The following SH3KBP1 variants were observed in gnomAD, a reference collection of about 807,000 sequenced individuals.
SH3KBP1 encodes SH3 domain-containing kinase-binding protein 1.
Under a neutral mutation model 50.1 loss-of-function variants are expected in SH3KBP1, and 8 were observed. The ratio of observed to expected loss-of-function variants is 0.16; its 90% CI spans 0.09 to 0.29. The LOEUF is 0.29. Ranked by LOEUF, SH3KBP1 falls within the 10% of genes least tolerant of loss-of-function variation. The probability of loss-of-function intolerance (pLI) is 1.00; values close to 1 mark genes in which losing one functional copy is unlikely to be tolerated. For missense variants in SH3KBP1, 377 were observed against 535.2 expected (o/e 0.70, Z 2.92); for synonymous variants, 227 against 218.6 (o/e 1.04, Z -0.34).
chrX:19,748,272 T>A (rs1226129732), intron 2 of SH3KBP1, among the ~76,000 whole-genome samples: 2 of 111,576 alleles, frequency 1.8e-5, no homozygotes, highest in Non-Finnish European at 3.8e-5. Context: ...GAGGACGACA[T>A]AGCAAGTGTC....
intron 6 of SH3KBP1, among the ~76,000 whole-genome samples, chrX:19,653,408 A>G (rs1357526180): frequency 3.6e-5 from 4 of 110,980 alleles, no homozygotes; most frequent in African/African-American, 1.3e-4. Flanking sequence ...ACACCAATGC[A>G]CTCAGAATAT....
At chrX:19,835,885 T>G (rs1036468312) in intron 2 of SH3KBP1, among the ~76,000 whole-genome samples, 4 of 111,260 alleles carry the variant, frequency 3.6e-5, no homozygotes, top group Admixed American at 1.9e-4. Flanking sequence ...GCACCCAGCC[T>G]TAGCATATCC....
At chrX:19,869,829 C>A (rs2147532950) in intron 1 of SH3KBP1, among the ~76,000 whole-genome samples, 1 of 112,460 alleles carries the variant, frequency 8.9e-6, no homozygotes, top group African/African-American at 3.2e-5. Flanking sequence ...TCACTCAGTT[C>A]TTGAGAACAT....
intron 3 of SH3KBP1, among the ~76,000 whole-genome samples, chrX:19,733,482 C>T (rs1966511133): frequency 9.1e-6 from 1 of 109,654 alleles, no homozygotes; most frequent in Non-Finnish European, 1.9e-5. Context: ...ATAAATGGTC[C>T]TGGAAAAGTG....
At chrX:19,676,884 A>G (rs1405324360) in intron 6 of SH3KBP1, among the ~76,000 whole-genome samples, 1 of 112,347 alleles carries the variant, frequency 8.9e-6, no homozygotes, top group East Asian at 2.8e-4. Flanking sequence ...AACGCCTTGT[A>G]GAAAGTGTAG....
chrX:19,832,624 G>C (rs1228160608), intron 2 of SH3KBP1, among the ~76,000 whole-genome samples: 1 of 110,646 alleles, frequency 9.0e-6, no homozygotes, highest in Non-Finnish European at 1.9e-5. Context: ...CATGAGCAGG[G>C]AGTTGGTGGG....
intron 2 of SH3KBP1, among the ~76,000 whole-genome samples, chrX:19,801,645 T>C (rs1433426151): frequency 9.0e-6 from 1 of 111,560 alleles, no homozygotes; most frequent in Non-Finnish European, 1.9e-5. Context: ...CAGGTTTCTT[T>C]TGGGGGTGAT....
chrX:19,541,846 A>G, intron 16 of SH3KBP1, 79 bp downstream of exon 16: 2 of 1,104,892 alleles, frequency 1.8e-6, no homozygotes, highest in East Asian at 3.0e-5. Context: ...GCAGGCTGGG[A>G]TCCATGCTTT....
At chrX:19,798,944 G>A (rs1364751211) in intron 2 of SH3KBP1, among the ~76,000 whole-genome samples, 1 of 112,096 alleles carries the variant, frequency 8.9e-6, no homozygotes, top group African/African-American at 3.2e-5. Context: ...AGTAAGACTT[G>A]GAGAGATCTT....
chrX:19,562,712 G>T (rs1411031801), intron 13 of SH3KBP1, among the ~76,000 whole-genome samples: 1 of 110,888 alleles, frequency 9.0e-6, no homozygotes, highest in Non-Finnish European at 1.9e-5. Flanking sequence ...TGCTGACTCT[G>T]CACATAGGTG....
chrX:19,679,665 T>C (rs1303372464), intron 6 of SH3KBP1, among the ~76,000 whole-genome samples: 1 of 111,091 alleles, frequency 9.0e-6, no homozygotes, highest in Non-Finnish European at 1.9e-5. Flanking sequence ...TACACAAAAA[T>C]AGAGTGTGAT....
At chrX:19,607,226 T>A (rs183029022) in intron 9 of SH3KBP1, among the ~76,000 whole-genome samples, 2 of 112,471 alleles carry the variant, frequency 1.8e-5, no homozygotes, top group East Asian at 5.6e-4. Flanking sequence ...CTGGGAAAGG[T>A]GGGCAGAGGC....
chrX:19,746,452 A>G lies in SH3KBP1; in HGVS notation c.163-11T>C. The G allele has an allele frequency of 5.9e-6, 7 of 1,190,944 alleles. No individual in the cohort carries two copies. The highest frequency in any genetic ancestry group is 7.9e-6 in the Non-Finnish European group (7 of 885,902). ...CTCTTTCTTTATTTCCTGTGAGGAC[A>G]GATAAAAGGAAAACAAGATTATAGT... On this transcript the variant is annotated splice_polypyrimidine_tract_variant and intron_variant, in intron 2 of 17. Coordinates refer to ENST00000397821, the MANE Select transcript of SH3KBP1 (RefSeq NM_031892.3).
chrX:19,767,481 TC>T (rs1285845391), intron 2 of SH3KBP1, among the ~76,000 whole-genome samples: 2 of 112,263 alleles, frequency 1.8e-5, no homozygotes, highest in Non-Finnish European at 3.8e-5. Flanking sequence ...ACAAACTTTT[TC>T]CCAGCAAACT....
chrX:19,873,309 T>C (rs186930260), intron 1 of SH3KBP1, among the ~76,000 whole-genome samples: 2,264 of 97,055 alleles, frequency 0.023, 49 homozygotes, highest in African/African-American at 0.078. Context: ...TATATATATA[T>C]ATACATATAC....
chrX:19,659,355 T>C (rs974225304), intron 6 of SH3KBP1, among the ~76,000 whole-genome samples: 4 of 110,033 alleles, frequency 3.6e-5, no homozygotes, highest in Non-Finnish European at 5.7e-5. Flanking sequence ...CCTCAGGTGA[T>C]CCGCCCGCCT....
intron 1 of SH3KBP1, among the ~76,000 whole-genome samples, chrX:19,871,104 G>T (rs1277120487): frequency 8.9e-6 from 1 of 112,344 alleles, no homozygotes; most frequent in Non-Finnish European, 1.9e-5. Context: ...CTTCTAATTT[G>T]ATGTGTTTTG....
At chrX:19,684,581 A>C (rs1156689691) in intron 5 of SH3KBP1, among the ~76,000 whole-genome samples, 4 of 112,903 alleles carry the variant, frequency 3.5e-5, no homozygotes, top group Non-Finnish European at 1.9e-5. Flanking sequence ...TGGCTTCACA[A>C]GGAATAAATG....
At chrX:19,659,109 ATTTTTTT>A (rs147804094) in intron 6 of SH3KBP1, among the ~76,000 whole-genome samples, 2 of 57,326 alleles carry the variant, frequency 3.5e-5, no homozygotes, top group African/African-American at 5.7e-5. Flanking sequence ...TGCCCAGCTA[ATTTTTTT>A]TTTTTTTTTT....
Sources: allele counts gnomAD v4.1 joint callset (sites outside exome capture counted in the v4.1 genomes callset), GRCh38; gene constraint gnomAD v4.1.1; transcripts MANE v1.5; gene names NCBI Gene and HGNC (gene_info 2026-07-23, HGNC 2026-07-21).